RLF: variants seen among roughly 807,000 people sequenced by gnomAD.
The protein encoded by RLF is RLF zinc finger.
Under a neutral mutation model 162.9 loss-of-function variants are expected in RLF, and 7 were observed. That is an observed-to-expected ratio of 0.04 (90% confidence interval 0.02 to 0.08). The LOEUF (loss-of-function observed/expected upper bound fraction) is 0.08, where lower values mean the gene tolerates loss of function less well. RLF is among the 10% of genes least tolerant of loss of function. The probability of loss-of-function intolerance (pLI) is 1.00; values close to 1 mark genes in which losing one functional copy is unlikely to be tolerated. For missense variants in RLF, 1,664 were observed against 2,244.7 expected (o/e 0.74, Z 5.23); for synonymous variants, 782 against 791.5 (o/e 0.99, Z 0.20).
At chr1:40,217,349 C>T (rs754984047) in intron 5 of RLF, among the ~76,000 whole-genome samples, 102 of 152,242 alleles carry the variant, frequency 6.7e-4, no homozygotes, top group Non-Finnish European at 5.6e-4. Flanking sequence ...TGACTGTAGT[C>T]CCAGCTACCT....
rs1194302236 is a variant in RLF at position 40,239,197 on chromosome 1, A to G, written c.4495A>G (p.Thr1499Ala). 1.2e-6 allele frequency: 2 copies of G among 1,614,166 alleles called. No homozygotes were observed. Among genetic ancestry groups the G allele is most frequent in the South Asian group, 2.2e-5 (2 of 91,084 alleles). The part of the protein sequence containing the change: ...RSEKVCQTAD[T>A]QGHEHQTTRR... ...TGAAAAGGTATGTCAAACAGCTGAT[A>G]CTCAGGGGCATGAACATCAGACCAC... The change falls in exon 8 of 8, where the codon ACT (threonine) becomes GCT (alanine). Residue 1499 changes from threonine (T) to alanine (A), a missense_variant. Coordinates refer to ENST00000372771, the MANE Select transcript of RLF (RefSeq NM_012421.4).
chr1:40,162,632 G>A (rs1642109234), intron 1 of RLF, among the ~76,000 whole-genome samples: 1 of 152,084 alleles, frequency 6.6e-6, no homozygotes, highest in Non-Finnish European at 1.5e-5. Context: ...TAATTTTGGG[G>A]GGCAATTTGC....
At position 40,239,868 on chromosome 1, in the gene RLF, G is replaced by T; in HGVS notation, c.5166G>T (p.Arg1722Ser). The T allele has an allele frequency of 6.2e-7, 1 of 1,613,820 alleles. No individual in the cohort carries two copies. Among genetic ancestry groups the T allele is most frequent in the Non-Finnish European group, 8.5e-7 (1 of 1,179,998 alleles). Reference sequence around the variant, plus strand: ...CAAGTTTCCAGCTGCCTTTACCAAGGATCAAAGAATCAGAAACTAGGCAGC... The same window carrying T: ...CAAGTTTCCAGCTGCCTTTACCAAGTATCAAAGAATCAGAAACTAGGCAGC... ...YFTSFQLPLPRIKESETRQHS... is the reference protein window; with the variant it reads ...YFTSFQLPLPSIKESETRQHS... Residue 1722 changes from arginine (R) to serine (S), a missense_variant, in exon 8 of 8, where the codon AGG becomes AGT. By Grantham distance (110) the Arg-to-Ser change is moderately radical. Coordinates refer to ENST00000372771, the MANE Select transcript of RLF (RefSeq NM_012421.4).
At chr1:40,211,956 C>A (rs971799524) in intron 5 of RLF, among the ~76,000 whole-genome samples, 3 of 152,180 alleles carry the variant, frequency 2.0e-5, no homozygotes, top group African/African-American at 7.2e-5. Flanking sequence ...CCTAGTGATA[C>A]TTTTCTTTTG....
At chr1:40,231,453 C>T (rs755096741) in intron 6 of RLF, 64 bp from the exon 7 acceptor site, 1 of 1,501,900 alleles carries the variant, frequency 6.7e-7, no homozygotes, top group South Asian at 1.2e-5. Flanking sequence ...AATTGGGTTG[C>T]CGGGGGCAGG....
chr1:40,227,711 AATT>A (rs1275093007), intron 6 of RLF, among the ~76,000 whole-genome samples: 3 of 152,206 alleles, frequency 2.0e-5, no homozygotes, highest in Non-Finnish European at 4.4e-5. Context: ...CTGTTTTAAA[AATT>A]ATTTGAGTGG....
intron 1 of RLF, among the ~76,000 whole-genome samples, chr1:40,178,731 C>A (rs967239214): frequency 2.4e-4 from 36 of 149,862 alleles, no homozygotes; most frequent in African/African-American, 8.8e-4. Flanking sequence ...TATAGTTAGC[C>A]CAGGCTGGTC....
intron 4 of RLF, among the ~76,000 whole-genome samples, chr1:40,198,399 G>C (rs1005104808): frequency 3.3e-5 from 5 of 150,816 alleles, no homozygotes; most frequent in African/African-American, 9.8e-5. Flanking sequence ...CCGCCTCCTG[G>C]GTTCAAGTCA....
chr1:40,238,815 A>G lies in RLF; in HGVS notation c.4113A>G (p.Lys1371=). The change falls in exon 8 of 8, where the codon AAA becomes AAG. Residue 1371 remains lysine, a synonymous_variant. Coordinates refer to ENST00000372771, the MANE Select transcript of RLF (RefSeq NM_012421.4). The surrounding 1 kb of genome is among the most constrained non-coding windows in gnomAD (Gnocchi z 5.2). ...IFACKYKECN[K]RFLCSKALAK... ...CTTGCAAATATAAGGAATGTAATAA[A>G]CGCTTCCTGTGTTCCAAAGCTCTTG... 6.2e-7 allele frequency: 1 copy of G among 1,613,622 alleles called. No individual in the cohort carries two copies. The highest frequency in any genetic ancestry group is 8.5e-7 in the Non-Finnish European group (1 of 1,179,786).
chr1:40,221,677 A>G (rs775472341), intron 5 of RLF, among the ~76,000 whole-genome samples: 41 of 151,686 alleles, frequency 2.7e-4, no homozygotes, highest in Admixed American at 5.2e-4. Context: ...AAGGCGGGTG[A>G]ATCACGAGGT....
intron 6 of RLF, among the ~76,000 whole-genome samples, chr1:40,226,016 A>G (rs1435681897): frequency 6.6e-6 from 1 of 151,918 alleles, no homozygotes; most frequent in Non-Finnish European, 1.5e-5. Flanking sequence ...ACACTGCAGC[A>G]CTCTAGTATG....
intron 5 of RLF, among the ~76,000 whole-genome samples, chr1:40,210,054 C>T (rs988475963): frequency 6.6e-6 from 1 of 152,096 alleles, no homozygotes; most frequent in Non-Finnish European, 1.5e-5. Flanking sequence ...ATTCTCAGCA[C>T]CTGACACATG....
chr1:40,226,571 G>A (rs16827067), intron 6 of RLF, among the ~76,000 whole-genome samples: 7,929 of 152,170 alleles, frequency 0.052, 601 homozygotes, highest in African/African-American at 0.17. Context: ...TCTAATTCAC[G>A]GTTGTGTCCT....
At chr1:40,222,085 TATGAAAAA>T (rs1170641426) in intron 5 of RLF, among the ~76,000 whole-genome samples, 2 of 152,150 alleles carry the variant, frequency 1.3e-5, no homozygotes, top group Admixed American at 1.3e-4. Flanking sequence ...ATTTTCCTTC[TATGAAAAA>T]ATGATGTTAA....
chr1:40,236,658 T>C lies in RLF; in HGVS notation c.1956T>C (p.His652=). 2.5e-6 allele frequency: 4 copies of C among 1,614,118 alleles called. No homozygotes were observed. The highest frequency in any genetic ancestry group is 1.1e-5 in the South Asian group (1 of 91,078). Residue 652 remains histidine, a synonymous_variant, in exon 8 of 8, where the codon CAT becomes CAC. Transcript: ENST00000372771. This position sits in a 1 kb window ranked among gnomAD's most constrained non-coding sequence, Gnocchi z 7.7. ...ATGACCAAGCCAAAGGAGAGTCTCA[T>C]GAATATGTCACATTCAGCAAATTAG... ...SLNDQAKGES[H]EYVTFSKLED...
intron 1 of RLF, among the ~76,000 whole-genome samples, chr1:40,170,869 G>C (rs1264676045): frequency 6.6e-6 from 1 of 152,092 alleles, no homozygotes; most frequent in East Asian, 1.9e-4. Context: ...AGGTAGGCCG[G>C]GATTACTAAT....
intron 4 of RLF, among the ~76,000 whole-genome samples, chr1:40,196,243 T>C (rs1312747364): frequency 6.6e-6 from 1 of 151,776 alleles, no homozygotes; most frequent in East Asian, 2.0e-4. Context: ...TGGCTAAGTT[T>C]TGTATTTTTT....
chr1:40,179,119 G>A (rs935626706), intron 1 of RLF, among the ~76,000 whole-genome samples: 2 of 152,200 alleles, frequency 1.3e-5, no homozygotes, highest in African/African-American at 2.4e-5. Flanking sequence ...ACAGGCATGC[G>A]CCACCACACC....
intron 1 of RLF, among the ~76,000 whole-genome samples, chr1:40,170,778 GA>G (rs1383887142): frequency 6.6e-6 from 1 of 152,154 alleles, no homozygotes; most frequent in Non-Finnish European, 1.5e-5. Flanking sequence ...ATAATTTGGG[GA>G]AAGTAGAGAA....
Sources: gnomAD v4.1 joint callset for allele counts (sites outside exome capture counted in the v4.1 genomes callset) on GRCh38, gnomAD v4.1.1 for gene constraint, Gnocchi (gnomAD v3.1) non-coding constraint, MANE v1.5 for transcripts, NCBI Gene and HGNC (gene_info 2026-07-23, HGNC 2026-07-21) for gene names.